SPOCK3: variants seen among roughly 807,000 people sequenced by gnomAD.
The protein encoded by SPOCK3 is testican-3.
SPOCK3 carries 30 observed loss-of-function variants against 56.6 expected under a neutral mutation model. The observed-to-expected ratio is 0.53, with a 90% CI of 0.40 to 0.72. SPOCK3 has a LOEUF of 0.72. Among genes scored for constraint, SPOCK3 ranks in the 30% least tolerant of loss-of-function variants. SPOCK3 has a pLI of 0.00. For missense variants in SPOCK3, 527 were observed against 530.0 expected (o/e 0.99, Z 0.06); for synonymous variants, 196 against 183.3 (o/e 1.07, Z -0.56).
chr4:166,932,981 T>TC (rs1435136999), intron 4 of SPOCK3, among the ~76,000 whole-genome samples: 1 of 152,194 alleles, frequency 6.6e-6, no homozygotes, highest in Non-Finnish European at 1.5e-5. Flanking sequence ...GTAATAAGAA[T>TC]CCTAGTAAGT....
intron 8 of SPOCK3, among the ~76,000 whole-genome samples, chr4:166,750,770 C>T (rs111456475): frequency 8.5e-5 from 13 of 152,188 alleles, no homozygotes; most frequent in African/African-American, 2.9e-4. Context: ...ATTTAAAATA[C>T]GTATATGTTT....
rs1309088640 is a variant in SPOCK3 at position 167,192,459 on chromosome 4, T to C, written c.189+41526A>G. On this transcript the variant is annotated intron_variant, in intron 2 of 10. Transcript: ENST00000357545. ...GACTTTTTTATTAATGTGTCAATCT[T>C]CACCCTTGTTATTGGCTTGTTTAAA... Among the ~76,000 whole-genome samples, 27 of 145,938 alleles carry C rather than the reference T, an allele frequency of 1.9e-4. 3 individuals carry two copies. Among genetic ancestry groups the C allele is most frequent in the Non-Finnish European group, 7.5e-5 (5 of 66,860 alleles).
At chr4:167,111,019 G>A (rs1487399754) in intron 2 of SPOCK3, among the ~76,000 whole-genome samples, 1 of 151,374 alleles carries the variant, frequency 6.6e-6, no homozygotes, top group African/African-American at 2.4e-5. Flanking sequence ...ATAAGCTACT[G>A]GACACTTACA....
chr4:166,777,623 A>G (rs757418794), intron 7 of SPOCK3, among the ~76,000 whole-genome samples: 4 of 152,140 alleles, frequency 2.6e-5, no homozygotes, highest in Non-Finnish European at 5.9e-5. Flanking sequence ...AGTCACAGCT[A>G]CTACTGAGAA....
chr4:166,901,527 G>A (rs1458684011), intron 5 of SPOCK3, among the ~76,000 whole-genome samples: 3 of 152,128 alleles, frequency 2.0e-5, no homozygotes, highest in Non-Finnish European at 4.4e-5. Flanking sequence ...ATCAATGACA[G>A]GACATTGTTT....
intron 7 of SPOCK3, among the ~76,000 whole-genome samples, chr4:166,786,824 C>T (rs1407357043): frequency 6.6e-6 from 1 of 152,094 alleles, no homozygotes; most frequent in Non-Finnish European, 1.5e-5. Context: ...CTGGATTGTA[C>T]CTATGGCCTT....
chr4:166,873,613 T>C (rs933264349), intron 6 of SPOCK3, among the ~76,000 whole-genome samples: 1 of 152,178 alleles, frequency 6.6e-6, no homozygotes, highest in African/African-American at 2.4e-5. Context: ...TCATTTCAAA[T>C]ACTTATAGGA....
intron 5 of SPOCK3, among the ~76,000 whole-genome samples, chr4:166,896,573 T>A (rs1362299009): frequency 6.6e-6 from 1 of 152,072 alleles, no homozygotes; most frequent in Non-Finnish European, 1.5e-5. Context: ...TCCCTATCTC[T>A]CGGTAAGGAT....
chr4:167,137,773 G>T (rs1359761818), intron 2 of SPOCK3, among the ~76,000 whole-genome samples: 2 of 151,664 alleles, frequency 1.3e-5, no homozygotes, highest in Non-Finnish European at 3.0e-5. Context: ...TAAAATACTT[G>T]GGCTTAAGTA....
At chr4:166,799,478 C>T (rs1301421352) in intron 6 of SPOCK3, among the ~76,000 whole-genome samples, 2 of 152,152 alleles carry the variant, frequency 1.3e-5, no homozygotes, top group Non-Finnish European at 2.9e-5. Flanking sequence ...GATACTGAGG[C>T]TACTCTGGAA....
At chr4:166,803,305 C>A (rs187853803) in intron 6 of SPOCK3, among the ~76,000 whole-genome samples, 2 of 152,200 alleles carry the variant, frequency 1.3e-5, no homozygotes, top group Admixed American at 1.3e-4. Context: ...AAATAATTTG[C>A]CTTTTGAGGA....
chr4:167,161,585 G>A (rs7680101), intron 2 of SPOCK3, among the ~76,000 whole-genome samples: 12,474 of 152,100 alleles, frequency 0.082, 912 homozygotes, highest in African/African-American at 0.19. Flanking sequence ...AAAGGCACAC[G>A]CTCACGTATG....
chr4:166,915,302 T>G (rs1737725333), intron 4 of SPOCK3, among the ~76,000 whole-genome samples: 1 of 152,146 alleles, frequency 6.6e-6, no homozygotes, highest in South Asian at 2.1e-4. Flanking sequence ...ATTCTGCACA[T>G]GTATCCCAGG....
intron 6 of SPOCK3, among the ~76,000 whole-genome samples, chr4:166,802,504 T>G (rs1437791643): frequency 6.6e-6 from 1 of 152,122 alleles, no homozygotes; most frequent in Admixed American, 6.5e-5. Context: ...AGACGGCATT[T>G]TTTTATTGTT....
At chr4:167,134,022 CTTTTTTT>C (rs34410893) in intron 2 of SPOCK3, among the ~76,000 whole-genome samples, 21 of 80,552 alleles carry the variant, frequency 2.6e-4, no homozygotes, top group African/African-American at 8.2e-4. Flanking sequence ...ACACCTTTTT[CTTTTTTT>C]TTTTTTTTTT....
intron 4 of SPOCK3, among the ~76,000 whole-genome samples, chr4:166,926,424 A>G (rs1381864323): frequency 2.6e-5 from 4 of 151,926 alleles, no homozygotes; most frequent in African/African-American, 9.7e-5. Context: ...TTTAAGAGAA[A>G]ATGGCTGCCT....
At chr4:166,805,076 A>C (rs1046359874) in intron 6 of SPOCK3, among the ~76,000 whole-genome samples, 3 of 152,118 alleles carry the variant, frequency 2.0e-5, no homozygotes, top group Non-Finnish European at 4.4e-5. Flanking sequence ...TCTTCTGGGC[A>C]ATAATATTCT....
chr4:167,083,699 T>C (rs1175233897), intron 2 of SPOCK3, among the ~76,000 whole-genome samples: 1 of 152,068 alleles, frequency 6.6e-6, no homozygotes, highest in African/African-American at 2.4e-5. Flanking sequence ...GTGAAACCCA[T>C]TGATAAAATT....
chr4:167,129,770 A>G (rs1417452870), intron 2 of SPOCK3, among the ~76,000 whole-genome samples: 1 of 152,142 alleles, frequency 6.6e-6, no homozygotes, highest in African/African-American at 2.4e-5. Context: ...GATAAAAAAT[A>G]AAATATAAAT....
Sources: allele counts gnomAD v4.1 joint callset (sites outside exome capture counted in the v4.1 genomes callset), GRCh38; gene constraint gnomAD v4.1.1; transcripts MANE v1.5; gene names NCBI Gene and HGNC (gene_info 2026-07-23, HGNC 2026-07-21).